Variants in BMPR1B observed in about 807,000 individuals in gnomAD.
BMPR1B encodes bone morphogenetic protein receptor type-1B.
In BMPR1B, 12 loss-of-function variants were observed where a neutral mutation model predicts 59.1. That is an observed-to-expected ratio of 0.20 (90% CI 0.13 to 0.33). The LOEUF (loss-of-function observed/expected upper bound fraction) is 0.33. Among genes scored for constraint, BMPR1B ranks in the 10% least tolerant of loss-of-function variants. The pLI is 1.00. For synonymous variants in BMPR1B, 237 were observed against 207.3 expected, an observed-to-expected ratio of 1.14 and a Z score of -1.23; for missense variants, 550 against 610.9, an observed-to-expected ratio of 0.90 and a Z score of 1.05.
chr4:94,967,692 C>T (rs917787030), intron 2 of BMPR1B, among the ~76,000 whole-genome samples: 14 of 152,068 alleles, frequency 9.2e-5, no homozygotes, highest in Non-Finnish European at 2.1e-4. Flanking sequence ...CCGTGTTGAC[C>T]AGGCTGGTCT....
At chr4:95,019,002 A>G (rs1056002713) in intron 3 of BMPR1B, among the ~76,000 whole-genome samples, 9 of 152,160 alleles carry the variant, frequency 5.9e-5, no homozygotes, top group Admixed American at 3.9e-4. Flanking sequence ...TGAATGTGCA[A>G]TTGGGGTGCA....
chr4:94,988,312 T>G (rs1384823373), intron 2 of BMPR1B, among the ~76,000 whole-genome samples: 2 of 152,142 alleles, frequency 1.3e-5, no homozygotes, highest in Non-Finnish European at 2.9e-5. Context: ...GAAGTTTTAA[T>G]TTTTAATATA....
intron 3 of BMPR1B, among the ~76,000 whole-genome samples, chr4:95,063,124 TC>T (rs1250850677): frequency 6.6e-6 from 1 of 152,098 alleles, no homozygotes; most frequent in Admixed American, 6.6e-5. Context: ...CACCTTATTA[TC>T]CTCAAAATAA....
At chr4:94,832,884 G>T (rs1013923875) in intron 1 of BMPR1B, among the ~76,000 whole-genome samples, 3 of 152,138 alleles carry the variant, frequency 2.0e-5, no homozygotes, top group African/African-American at 7.2e-5. Flanking sequence ...CACTTGAGCA[G>T]GTCATGTCTG....
Position 94,784,834 on chromosome 4 carries a change from A to G in BMPR1B, c.-183+26766A>G, listed in dbSNP as rs137939828. 3.0e-3 allele frequency among the ~76,000 whole-genome samples: 460 copies of G among 152,124 alleles called. 3 individuals are homozygous for G. The highest frequency in any genetic ancestry group is 6.8e-3 in the Middle Eastern group (2 of 294). ...TAAAGCCCTGGCCATTTTCATTGTA[A>G]CCTCATCTTTGATACCATACAGGTC... is the stretch of plus-strand genomic sequence containing the variant. On this transcript the variant is annotated intron_variant, in intron 1 of 12. Coordinates refer to ENST00000515059, the MANE Select transcript of BMPR1B (RefSeq NM_001203.3).
rs553804041 is a variant in BMPR1B, at chr4:95,030,657, G to T, written c.-18+34523G>T. Among the ~76,000 whole-genome samples, 47 of 152,224 alleles carry T rather than the reference G, an allele frequency of 3.1e-4. No homozygotes were observed. The East Asian group carries it at 5.2e-3, about 17-fold the overall frequency. ...GCCCAAAATCTCCTTAAGCTGATAA[G>T]AAACTTCAGCAAAGTCTCCAGATAC... On this transcript the variant is annotated intron_variant, in intron 3 of 12. Transcript: ENST00000515059.
At chr4:94,824,875 T>C (rs923152608) in intron 1 of BMPR1B, among the ~76,000 whole-genome samples, 1 of 152,240 alleles carries the variant, frequency 6.6e-6, no homozygotes, top group African/African-American at 2.4e-5. Context: ...TACAAAATTG[T>C]AGTTACTGAA....
At chr4:94,861,389 A>G (rs1725971502) in intron 1 of BMPR1B, among the ~76,000 whole-genome samples, 1 of 152,194 alleles carries the variant, frequency 6.6e-6, no homozygotes, top group Non-Finnish European at 1.5e-5. Context: ...ATTTGCTATT[A>G]CTGGTTTCAT....
chr4:94,968,738 G>A lies in BMPR1B; in HGVS notation c.-112-27302G>A, dbSNP rs148565806. On this transcript the variant is annotated intron_variant, in intron 2 of 12. Transcript: ENST00000515059. ...ACTGACTCAATGAGAATTTCAGGTCGTGGTGAGTGAGTTTTACCATTGGTA... is the reference window on the plus strand; with the variant it reads ...ACTGACTCAATGAGAATTTCAGGTCATGGTGAGTGAGTTTTACCATTGGTA... Among the ~76,000 whole-genome samples the A allele has an allele frequency of 4.6e-5, 7 of 152,246 alleles. No homozygotes were observed. The East Asian group carries it at 9.7e-4, about 21-fold the overall frequency.
At chr4:94,844,909 T>C (rs1039656128) in intron 1 of BMPR1B, among the ~76,000 whole-genome samples, 2 of 152,202 alleles carry the variant, frequency 1.3e-5, no homozygotes, top group Non-Finnish European at 1.5e-5. Flanking sequence ...AAGATAATAG[T>C]GGGCCAGACC....
At chr4:94,991,195 A>G (rs1721733168) in intron 2 of BMPR1B, among the ~76,000 whole-genome samples, 1 of 151,924 alleles carries the variant, frequency 6.6e-6, no homozygotes, top group Admixed American at 6.6e-5. Context: ...TGACCTCATA[A>G]TTGTTTTTCA....
intron 1 of BMPR1B, among the ~76,000 whole-genome samples, chr4:94,853,751 A>G (rs2148949423): frequency 6.6e-6 from 1 of 152,204 alleles, no homozygotes; most frequent in South Asian, 2.1e-4. Context: ...CTCACCCTCC[A>G]TTTCTCCAAA....
intron 3 of BMPR1B, among the ~76,000 whole-genome samples, chr4:95,045,800 G>A (rs2149179523): frequency 6.6e-6 from 1 of 152,268 alleles, no homozygotes; most frequent in East Asian, 1.9e-4. Flanking sequence ...GAAGGCAAGT[G>A]CTGTCTCTTT....
At chr4:94,850,282 A>AG in intron 1 of BMPR1B, among the ~76,000 whole-genome samples, 6 of 152,312 alleles carry the variant, frequency 3.9e-5, no homozygotes, top group Admixed American at 3.9e-4. Flanking sequence ...AAATGAAAAA[A>AG]AAAAAATGTA....
intron 1 of BMPR1B, among the ~76,000 whole-genome samples, chr4:94,812,558 T>C (rs1247300901): frequency 6.6e-6 from 1 of 152,192 alleles, no homozygotes; most frequent in Non-Finnish European, 1.5e-5. Context: ...ACTGGGAAGC[T>C]ATGCAGGGTT....
At chr4:95,051,615 C>T in intron 3 of BMPR1B, 1 of 1,265,922 alleles carries the variant, frequency 7.9e-7, no homozygotes. Context: ...ACAAGAGTGG[C>T]AGCAGAGGCG....
intron 3 of BMPR1B, among the ~76,000 whole-genome samples, chr4:95,071,001 T>C (rs190557619): frequency 1.8e-3 from 281 of 152,264 alleles, no homozygotes; most frequent in African/African-American, 6.2e-3. Flanking sequence ...AATGAGTATG[T>C]TCTATACTAA....
chr4:94,829,894 G>T (rs1284553590), intron 1 of BMPR1B, among the ~76,000 whole-genome samples: 3 of 152,174 alleles, frequency 2.0e-5, no homozygotes, highest in African/African-American at 7.2e-5. Flanking sequence ...ATTTGGGAAG[G>T]ATAAACAGTA....
intron 3 of BMPR1B, among the ~76,000 whole-genome samples, chr4:95,024,208 G>A (rs1724195711): frequency 1.3e-5 from 2 of 152,272 alleles, no homozygotes; most frequent in South Asian, 2.1e-4. Context: ...CACACTGCAC[G>A]TTCTTTGTAA....
Sources: gnomAD v4.1 joint callset for allele counts (sites outside exome capture counted in the v4.1 genomes callset) on GRCh38, gnomAD v4.1.1 for gene constraint, MANE v1.5 for transcripts, NCBI Gene and HGNC (gene_info 2026-07-23, HGNC 2026-07-21) for gene names.